CAPN8: variants seen among roughly 807,000 people sequenced by gnomAD.
CAPN8 encodes the protein calpain-8.
In CAPN8, 87 loss-of-function variants were observed where a neutral mutation model predicts 80.9. The observed-to-expected ratio is 1.07, with a 90% CI of 0.90 to 1.28. The LOEUF is 1.28. CAPN8 is among the 50% of genes most tolerant of loss of function. The pLI is 0.00. For synonymous variants in CAPN8, 299 were observed against 273.8 expected (o/e 1.09, Z -0.91); for missense variants, 757 against 702.0 (o/e 1.08, Z -0.89).
At chr1:223,635,208 G>A (rs1657883887) in intron 2 of CAPN8, among the ~76,000 whole-genome samples, 1 of 152,178 alleles carries the variant, frequency 6.6e-6, no homozygotes, top group South Asian at 2.1e-4. Flanking sequence ...TTTATACACA[G>A]GGAGCTATTT....
chr1:223,615,881 A>G, intron 10 of CAPN8, 89 bp downstream of exon 10: 1 of 1,469,148 alleles, frequency 6.8e-7, no homozygotes. Context: ...TACTCCAGCA[A>G]TAGGAAAGAT....
chr1:223,545,117 G>A, intron 17 of CAPN8, 114 bp downstream of exon 17: 2 of 1,508,236 alleles, frequency 1.3e-6, no homozygotes, highest in Non-Finnish European at 1.8e-6. Context: ...ATGTGCCCAG[G>A]ACTCAATAGT....
intron 1 of CAPN8, among the ~76,000 whole-genome samples, chr1:223,657,277 T>A (rs1432900979): frequency 2.0e-5 from 3 of 151,902 alleles, no homozygotes; most frequent in African/African-American, 7.3e-5. Flanking sequence ...GAGCTCCCAG[T>A]CTCCAAGCAG....
At chr1:223,661,002 AC>A (rs1343691244) in intron 1 of CAPN8, among the ~76,000 whole-genome samples, 1 of 152,094 alleles carries the variant, frequency 6.6e-6, no homozygotes, top group African/African-American at 2.4e-5. Flanking sequence ...CCCAATCTGT[AC>A]TAAAAACACA....
chr1:223,621,023 C>A (rs1179629657), intron 7 of CAPN8, among the ~76,000 whole-genome samples: 1 of 151,964 alleles, frequency 6.6e-6, no homozygotes, highest in Non-Finnish European at 1.5e-5. Context: ...CACCTTCTCT[C>A]CCCAGCATAA....
Position 223,619,278 on chromosome 1 carries a change from AG to A in CAPN8, c.1135+14del, listed in dbSNP as rs778746550. 1.9e-6 allele frequency: 3 copies of A among 1,551,396 alleles called. No homozygotes were observed. In the South Asian group the frequency reaches 3.6e-5, roughly 18 times the overall value. The stretch of plus-strand genomic sequence containing the variant: ...AAGCTGGAGGAGGTTGGGCCAAGGC[AG>A]CCCTTCACCTTACCTGGGTAGTTCT... On this transcript the variant is annotated intron_variant, in intron 9 of 20. Coordinates refer to ENST00000366872, the MANE Select transcript of CAPN8 (RefSeq NM_001143962.2).
intron 2 of CAPN8, among the ~76,000 whole-genome samples, chr1:223,652,145 C>A (rs1362193678): frequency 6.6e-6 from 1 of 152,092 alleles, no homozygotes; most frequent in African/African-American, 2.4e-5. Flanking sequence ...AAAATCCCAG[C>A]CTGGACGACA....
At chr1:223,630,017 C>T (rs763755616) in intron 2 of CAPN8, among the ~76,000 whole-genome samples, 29 of 152,296 alleles carry the variant, frequency 1.9e-4, no homozygotes, top group Admixed American at 1.1e-3. Flanking sequence ...AACACTGTGG[C>T]CAGAGCTATA....
intron 13 of CAPN8, among the ~76,000 whole-genome samples, chr1:223,554,140 T>C (rs1656857577): frequency 6.6e-6 from 1 of 152,286 alleles, no homozygotes; most frequent in African/African-American, 2.4e-5. Flanking sequence ...CAGTTTTCTC[T>C]CTAAGTGATT....
Position 223,544,054 on chromosome 1 carries a change from C to T in CAPN8, c.2029+13G>A. On this transcript the variant is annotated intron_variant, in intron 19 of 20. Coordinates refer to ENST00000366872, the MANE Select transcript of CAPN8 (RefSeq NM_001143962.2). ...GGATTAATAGGATGGGGCTGGAGGA[C>T]AGAGTGACTCACTGAAGAGGGTCTC... 1.4e-6 allele frequency: 1 copy of T among 717,620 alleles called. No homozygotes were observed. Among genetic ancestry groups the T allele is most frequent in the East Asian group, 2.7e-5 (1 of 37,292 alleles). 44.5% of individuals were successfully genotyped at this position (717,620 alleles called of 1,614,324 possible).
chr1:223,638,391 G>T (rs772359969), intron 2 of CAPN8, among the ~76,000 whole-genome samples: 1 of 152,056 alleles, frequency 6.6e-6, no homozygotes, highest in Non-Finnish European at 1.5e-5. Flanking sequence ...GTGGTCTCCA[G>T]TTGGCTAGAG....
chr1:223,654,544 G>T, intron 1 of CAPN8, 145 bp from the exon 2 acceptor site: 1 of 718,268 alleles, frequency 1.4e-6, no homozygotes, highest in Non-Finnish European at 2.4e-6. Context: ...TATTGCTGAG[G>T]ACTCTGAAGC....
intron 2 of CAPN8, among the ~76,000 whole-genome samples, chr1:223,640,974 T>C (rs926735685): frequency 6.6e-6 from 1 of 152,094 alleles, no homozygotes; most frequent in African/African-American, 2.4e-5. Flanking sequence ...TCAGTACCAC[T>C]GACCAAGAAG....
chr1:223,654,842 A>ATTTTTTTTTTTT (rs35365292), intron 1 of CAPN8, among the ~76,000 whole-genome samples: 104 of 111,674 alleles, frequency 9.3e-4, no homozygotes, highest in African/African-American at 2.7e-3. Flanking sequence ...CACCCGGCTA[A>ATTTTTTTTTTTT]TTTTTTTTTT....
chr1:223,616,160 G>T lies in CAPN8; in HGVS notation c.1136-15C>A. ...CCAGTACGTGGCTGGAAGTCACCCAGGTGATGGTGGTTCCCCACGTAGCGG... is the reference window on the plus strand; with the variant it reads ...CCAGTACGTGGCTGGAAGTCACCCATGTGATGGTGGTTCCCCACGTAGCGG... On this transcript the variant is annotated splice_polypyrimidine_tract_variant and intron_variant, in intron 9 of 20. Transcript: ENST00000366872. 6.5e-7 allele frequency: 1 copy of T among 1,540,838 alleles called. No homozygotes were observed. The highest frequency in any genetic ancestry group is 2.0e-5 in the Admixed American group (1 of 50,556).
chr1:223,649,131 A>G (rs1050939108), intron 2 of CAPN8, among the ~76,000 whole-genome samples: 16 of 152,240 alleles, frequency 1.1e-4, no homozygotes, highest in Admixed American at 9.8e-4. Flanking sequence ...GCAAGCATCA[A>G]ATTTCATTTT....
At chr1:223,613,039 C>T (rs200660209) in intron 10 of CAPN8, among the ~76,000 whole-genome samples, 2 of 152,108 alleles carry the variant, frequency 1.3e-5, no homozygotes, top group East Asian at 1.9e-4. Context: ...AGAGTAGAAG[C>T]TTTCCCATGC....
chr1:223,646,081 G>A lies in CAPN8; in HGVS notation c.307+8249C>T, dbSNP rs549538789. On this transcript the variant is annotated intron_variant, in intron 2 of 20. Transcript: ENST00000366872. ...CCAATCCACTTCTGCCAGCTGGTGA[G>A]GGATTGCCCAGCCAGAAATCAGCAA... 1.4e-4 allele frequency among the ~76,000 whole-genome samples: 21 copies of A among 152,312 alleles called. No individual in the cohort carries two copies. In the South Asian group the frequency reaches 4.1e-3, roughly 30 times the overall value.
chr1:223,551,127 G>A, intron 14 of CAPN8, 110 bp from the exon 15 acceptor site: 1 of 641,332 alleles, frequency 1.6e-6, no homozygotes, highest in Non-Finnish European at 2.8e-6. Flanking sequence ...CACTGGCCCT[G>A]TGAGGTTTAT....
Sources: allele counts gnomAD v4.1 joint callset (sites outside exome capture counted in the v4.1 genomes callset), GRCh38; gene constraint gnomAD v4.1.1; transcripts MANE v1.5; gene names NCBI Gene and HGNC (gene_info 2026-07-23, HGNC 2026-07-21).